NCALD: variants seen among roughly 807,000 people sequenced by gnomAD.
NCALD encodes neurocalcin delta.
Under a neutral mutation model 18.6 loss-of-function variants are expected in NCALD, and 10 were observed. That is an observed-to-expected ratio of 0.54 (90% confidence interval 0.33 to 0.91). The LOEUF (loss-of-function observed/expected upper bound fraction) is 0.91. Among genes scored for constraint, NCALD ranks in the 40% least tolerant of loss-of-function variants. The pLI, the probability that NCALD is intolerant of heterozygous loss-of-function variation, is 0.03. For missense variants in NCALD, 184 were observed against 247.6 expected (o/e 0.74, Z 1.72); for synonymous variants, 88 against 87.4 (o/e 1.01, Z -0.04).
intron 1 of NCALD, among the ~76,000 whole-genome samples, chr8:102,040,479 A>G (rs566771045): frequency 1.2e-3 from 179 of 150,842 alleles, no homozygotes; most frequent in Non-Finnish European, 2.3e-3. Context: ...ATCAAAAAAA[A>G]AAAAGAAAAG....
upstream of NCALD, among the ~76,000 whole-genome samples, chr8:101,794,646 T>A (rs1812571310): frequency 6.6e-6 from 1 of 152,198 alleles, no homozygotes; most frequent in Admixed American, 6.5e-5. Context: ...ATGTGGAACA[T>A]TTTTCTAAGT....
chr8:101,886,761 T>C (rs1816688437), intron 4 of NCALD, among the ~76,000 whole-genome samples: 1 of 152,198 alleles, frequency 6.6e-6, no homozygotes, highest in Non-Finnish European at 1.5e-5. Context: ...CTATACTAAA[T>C]GAGTCCATTT....
chr8:101,966,404 T>C (rs1332440461), intron 2 of NCALD, among the ~76,000 whole-genome samples: 7 of 148,228 alleles, frequency 4.7e-5, no homozygotes, highest in Non-Finnish European at 1.5e-5. Flanking sequence ...ACACCACATG[T>C]TCTCACTCAT....
intron 1 of NCALD, among the ~76,000 whole-genome samples, chr8:102,038,611 A>G (rs540688049): frequency 6.6e-6 from 1 of 152,298 alleles, no homozygotes; most frequent in Non-Finnish European, 1.5e-5. Flanking sequence ...AGAATAGCAC[A>G]TGAATACATT....
intron 1 of NCALD, among the ~76,000 whole-genome samples, chr8:102,032,590 T>C (rs1822714129): frequency 8.0e-6 from 1 of 125,770 alleles, no homozygotes; most frequent in Non-Finnish European, 1.6e-5. Flanking sequence ...CAGATGGTCA[T>C]CGACTTGGAA....
At chr8:101,971,455 T>G (rs997636039) in intron 2 of NCALD, among the ~76,000 whole-genome samples, 4 of 152,094 alleles carry the variant, frequency 2.6e-5, no homozygotes, top group Non-Finnish European at 5.9e-5. Flanking sequence ...CTCATGATAG[T>G]GAGTTCTCAT....
At chr8:101,831,418 C>T (rs1438164526) in intron 4 of NCALD, among the ~76,000 whole-genome samples, 1 of 152,184 alleles carries the variant, frequency 6.6e-6, no homozygotes, top group East Asian at 1.9e-4. Context: ...TGTACCCACT[C>T]TCAAATCCAT....
At chr8:101,725,773 G>A (rs561101997) in intron 1 of NCALD, among the ~76,000 whole-genome samples, 1 of 152,186 alleles carries the variant, frequency 6.6e-6, no homozygotes, top group African/African-American at 2.4e-5. Flanking sequence ...TCCCACAGAG[G>A]GGTCAAGGGA....
chr8:101,884,789 T>C (rs1652281256), intron 4 of NCALD, among the ~76,000 whole-genome samples: 1 of 152,170 alleles, frequency 6.6e-6, no homozygotes, highest in African/African-American at 2.4e-5. Context: ...GGGAATCAAT[T>C]ACTCGACTGA....
intron 1 of NCALD, among the ~76,000 whole-genome samples, chr8:102,065,597 G>A (rs554778960): frequency 1.3e-5 from 2 of 152,190 alleles, no homozygotes; most frequent in East Asian, 1.9e-4. Flanking sequence ...TCCATCCAAC[G>A]TCATCCCAAT....
intron 1 of NCALD, among the ~76,000 whole-genome samples, chr8:101,789,418 C>T (rs1284206110): frequency 6.6e-6 from 1 of 152,002 alleles, no homozygotes; most frequent in Non-Finnish European, 1.5e-5. Context: ...TGTCAAATGC[C>T]AGCAAGTTAA....
Position 101,872,312 on chromosome 8 carries a change from C to T in NCALD, c.-20+14829G>A, listed in dbSNP as rs530967529. ...TTCAGTTTAATTGCTTTCCCCTCAGCGAGTCTCTGCCATCTGTACATTTCA... is the reference window on the plus strand; with the variant it reads ...TTCAGTTTAATTGCTTTCCCCTCAGTGAGTCTCTGCCATCTGTACATTTCA... On this transcript the variant is annotated intron_variant, in intron 4 of 6. Transcript: ENST00000311028. 119 of 1,377,296 alleles carry T rather than the reference C, an allele frequency of 8.6e-5. No individual in the cohort carries two copies. In the African/African-American group the frequency reaches 1.4e-3, roughly 16 times the overall value. 85.3% of individuals were successfully genotyped at this position (1,377,296 alleles called of 1,614,324 possible).
chr8:101,907,204 A>C (rs1817639164), intron 3 of NCALD, among the ~76,000 whole-genome samples: 1 of 152,188 alleles, frequency 6.6e-6, no homozygotes, highest in African/African-American at 2.4e-5. Flanking sequence ...CACCTTCTCT[A>C]GTCTCAGCCC....
chr8:101,845,047 C>G (rs1192668962), intron 4 of NCALD, among the ~76,000 whole-genome samples: 4 of 152,134 alleles, frequency 2.6e-5, no homozygotes, highest in Non-Finnish European at 4.4e-5. Flanking sequence ...CAGAAGGATG[C>G]TTAAAGTGGC....
At chr8:102,050,185 A>G (rs1440010969) in intron 1 of NCALD, among the ~76,000 whole-genome samples, 3 of 145,106 alleles carry the variant, frequency 2.1e-5, no homozygotes, top group Non-Finnish European at 3.0e-5. Context: ...AAAAAAAAAA[A>G]AAAAAAAAAA....
chr8:101,946,338 G>C lies in NCALD; in HGVS notation c.-156-30480C>G, dbSNP rs73290582. ...AGACCTACATGGAGCATGCCTTTAAGGAATTTACAATGTAGCCAGAGAGAC... is the reference window on the plus strand; with the variant it reads ...AGACCTACATGGAGCATGCCTTTAACGAATTTACAATGTAGCCAGAGAGAC... On this transcript the variant is annotated intron_variant, in intron 2 of 6. Transcript: ENST00000311028. Among the ~76,000 whole-genome samples, 1,332 of 152,226 alleles carry C rather than the reference G, an allele frequency of 8.8e-3. 17 individuals are homozygous for C. Among genetic ancestry groups the C allele is most frequent in the African/African-American group, 0.03 (1,256 of 41,520 alleles).
At chr8:102,045,583 G>A (rs1475565078) in intron 1 of NCALD, among the ~76,000 whole-genome samples, 1 of 152,092 alleles carries the variant, frequency 6.6e-6, no homozygotes, top group Non-Finnish European at 1.5e-5. Context: ...CACCAACACA[G>A]AGTTCAACTA....
intron 1 of NCALD, among the ~76,000 whole-genome samples, chr8:101,776,390 C>T (rs1811792083): frequency 6.6e-6 from 1 of 152,150 alleles, no homozygotes; most frequent in Admixed American, 6.6e-5. Flanking sequence ...AATAACACAT[C>T]TAAAAATTAC....
intron 3 of NCALD, among the ~76,000 whole-genome samples, chr8:101,902,941 C>T (rs570652072): frequency 1.8e-4 from 27 of 152,234 alleles, no homozygotes; most frequent in Non-Finnish European, 2.9e-4. Flanking sequence ...CCAAGGCTAA[C>T]GGAATAGAGA....
Sources: gnomAD v4.1 joint callset for allele counts (sites outside exome capture counted in the v4.1 genomes callset) on GRCh38, gnomAD v4.1.1 for gene constraint, MANE v1.5 for transcripts, NCBI Gene and HGNC (gene_info 2026-07-23, HGNC 2026-07-21) for gene names.